The following LVRN variants were observed in gnomAD, a reference collection of about 807,000 sequenced individuals.
LVRN encodes the protein laeverin, also known as aminopeptidase Q.
A neutral mutation model predicts 111.4 loss-of-function variants in LVRN; 99 were observed. The ratio of observed to expected loss-of-function variants is 0.89; its 90% confidence interval spans 0.76 to 1.05. LVRN has a LOEUF of 1.05. Ranked by LOEUF, LVRN falls within the 50% of genes least tolerant of loss-of-function variation. The pLI is 0.00. For synonymous variants in LVRN, 488 were observed against 449.5 expected (o/e 1.09, Z -1.08); for missense variants, 1,414 against 1,206.8 (o/e 1.17, Z -2.54).
chr5:115,992,368 A>G (rs555602074), intron 5 of LVRN, 91 bp downstream of exon 5: 129 of 1,373,350 alleles, frequency 9.4e-5, no homozygotes, highest in Non-Finnish European at 1.2e-4. Context: ...AGACCCTGCC[A>G]TATACCATAT....
intron 10 of LVRN, among the ~76,000 whole-genome samples, chr5:116,001,695 G>T (rs1163563237): frequency 6.6e-6 from 1 of 152,204 alleles, no homozygotes; most frequent in Non-Finnish European, 1.5e-5. Context: ...GCACGGATGT[G>T]TGTGGATGCG....
At chr5:116,011,036 T>TA (rs1748479800) in intron 14 of LVRN, 142 bp downstream of exon 14, 3 of 165,630 alleles carry the variant, frequency 1.8e-5, no homozygotes, top group Admixed American at 1.2e-4. Context: ...TGGAAGTATA[T>TA]ACATTTCCTT....
intron 1 of LVRN, among the ~76,000 whole-genome samples, chr5:115,966,296 T>C (rs1366283737): frequency 6.6e-6 from 1 of 152,212 alleles, no homozygotes; most frequent in African/African-American, 2.4e-5. Flanking sequence ...TTTGAGAATG[T>C]TCTATAAATG....
chr5:115,963,382 G>A, intron 1 of LVRN, 70 bp downstream of exon 1: 1 of 1,303,088 alleles, frequency 7.7e-7, no homozygotes, highest in Non-Finnish European at 1.0e-6. Flanking sequence ...TGCGGGTCCA[G>A]CTGACTACCG....
intron 1 of LVRN, among the ~76,000 whole-genome samples, chr5:115,972,340 G>T (rs564640717): frequency 6.6e-6 from 1 of 150,898 alleles, no homozygotes; most frequent in Non-Finnish European, 1.5e-5. Context: ...TCATTCCTAG[G>T]TATTTTATAT....
Position 116,005,861 on chromosome 5 carries a change from C to A in LVRN, c.2038-51C>A, listed in dbSNP as rs189698134. On this transcript the variant is annotated intron_variant, in intron 12 of 19. Transcript: ENST00000357872. ...AATTGTTGTTATTTTGAAAACTTTGCGGAAAAATGTTCTCATCTTCTTCTG... is the reference window on the plus strand; with the variant it reads ...AATTGTTGTTATTTTGAAAACTTTGAGGAAAAATGTTCTCATCTTCTTCTG... 290 of 1,491,230 alleles carry A rather than the reference C, an allele frequency of 1.9e-4. 1 individual carries two copies. In the East Asian group the frequency reaches 6.3e-3, roughly 33 times the overall value. 92.4% of individuals were successfully genotyped at this position (1,491,230 alleles called of 1,614,324 possible).
chr5:115,968,266 T>C (rs1753244195), intron 1 of LVRN, among the ~76,000 whole-genome samples: 1 of 52,666 alleles, frequency 1.9e-5, no homozygotes, highest in South Asian at 3.9e-4. Context: ...TTGTCTTCTA[T>C]TCATATTTTT....
At chr5:115,996,093 AG>A (rs1368801943) in intron 6 of LVRN, among the ~76,000 whole-genome samples, 1 of 152,218 alleles carries the variant, frequency 6.6e-6, no homozygotes, top group Non-Finnish European at 1.5e-5. Context: ...ACTCATGGTT[AG>A]TGCCATCTTT....
intron 1 of LVRN, among the ~76,000 whole-genome samples, chr5:115,978,732 C>T (rs1212768125): frequency 6.6e-6 from 1 of 152,072 alleles, no homozygotes; most frequent in Admixed American, 6.6e-5. Flanking sequence ...GGGTGGTAGT[C>T]CTTCTTCTTT....
At chr5:115,968,202 G>A (rs1753242720) in intron 1 of LVRN, among the ~76,000 whole-genome samples, 1 of 152,198 alleles carries the variant, frequency 6.6e-6, no homozygotes, top group East Asian at 1.9e-4. Context: ...CTTTACAACT[G>A]AGCATAATAT....
At chr5:116,007,248 C>A (rs1296027090) in intron 13 of LVRN, among the ~76,000 whole-genome samples, 1 of 152,146 alleles carries the variant, frequency 6.6e-6, no homozygotes, top group African/African-American at 2.4e-5. Flanking sequence ...CCCAGAGTAC[C>A]TTTCCACCTA....
intron 6 of LVRN, among the ~76,000 whole-genome samples, chr5:115,998,494 G>A (rs1379594798): frequency 2.6e-5 from 4 of 152,168 alleles, no homozygotes; most frequent in Admixed American, 6.5e-5. Flanking sequence ...TAATGGTGGC[G>A]ACCTTAGGGT....
At chr5:115,998,342 C>G (rs1156993224) in intron 6 of LVRN, among the ~76,000 whole-genome samples, 3 of 151,832 alleles carry the variant, frequency 2.0e-5, no homozygotes, top group Non-Finnish European at 2.9e-5. Context: ...ATGCAGCAGC[C>G]ATTATAAGGG....
chr5:115,993,705 T>A (rs1439464282), intron 5 of LVRN, 36 bp from the exon 6 acceptor site: 4 of 1,367,240 alleles, frequency 2.9e-6, no homozygotes, highest in Non-Finnish European at 4.1e-6. Flanking sequence ...AAAATTAAAT[T>A]TAAGAAAGCT....
At chr5:116,009,155 C>T (rs1397203342) in intron 13 of LVRN, among the ~76,000 whole-genome samples, 1 of 152,138 alleles carries the variant, frequency 6.6e-6, no homozygotes, top group Non-Finnish European at 1.5e-5. Flanking sequence ...GCTAAATCAA[C>T]TCTGCTTGTG....
At chr5:115,972,127 C>T (rs1753340065) in intron 1 of LVRN, among the ~76,000 whole-genome samples, 1 of 151,962 alleles carries the variant, frequency 6.6e-6, no homozygotes, top group Non-Finnish European at 1.5e-5. Flanking sequence ...ACAATGTTTT[C>T]ACAGATACAC....
Position 116,001,301 on chromosome 5 carries a change from A to G in LVRN, c.1820+62A>G, listed in dbSNP as rs555767653. ...TGGGGTTGAGCTCTGACCCAATGGA[A>G]TCCAGCCTGTGGGTGAAGAAGCGTT... is the stretch of plus-strand genomic sequence containing the variant. On this transcript the variant is annotated intron_variant, in intron 10 of 19. Transcript: ENST00000357872. 1.7e-5 allele frequency: 26 copies of G among 1,565,862 alleles called. No individual in the cohort carries two copies. The East Asian group carries it at 2.0e-4, about 12-fold the overall frequency.
chr5:115,973,690 C>A (rs919260095), intron 1 of LVRN, among the ~76,000 whole-genome samples: 2 of 152,060 alleles, frequency 1.3e-5, no homozygotes, highest in South Asian at 2.1e-4. Flanking sequence ...TGTGTAAGTA[C>A]AAAATTGTTC....
intron 18 of LVRN, chr5:116,021,104 C>G (rs1382476042): frequency 6.6e-6 from 1 of 152,170 alleles, no homozygotes; most frequent in Non-Finnish European, 1.5e-5. Context: ...GCCAGGTAAT[C>G]TAATAGGTGC....
Sources: gnomAD v4.1 joint callset for allele counts (sites outside exome capture counted in the v4.1 genomes callset) on GRCh38, gnomAD v4.1.1 for gene constraint, MANE v1.5 for transcripts, NCBI Gene and HGNC (gene_info 2026-07-23, HGNC 2026-07-21) for gene names.